Variants in CFAP73 observed in about 807,000 individuals in gnomAD.
CFAP73 encodes the protein cilia and flagella associated protein 73, also known as cilia- and flagella-associated protein 73.
A neutral mutation model predicts 42.9 loss-of-function variants in CFAP73; 33 were observed. The ratio of observed to expected loss-of-function variants is 0.77; its 90% confidence interval spans 0.58 to 1.03. CFAP73 has a LOEUF of 1.03. CFAP73 is among the 50% of genes least tolerant of loss of function. The pLI, the probability that CFAP73 is intolerant of heterozygous loss-of-function variation, is 0.00. For missense variants in CFAP73, 392 were observed against 411.9 expected (o/e 0.95, Z 0.42); for synonymous variants, 162 against 186.8 (o/e 0.87, Z 1.08).
chr12:113,154,623 T>G lies in CFAP73; in HGVS notation c.678T>G (p.Arg226=), dbSNP rs1952099778. 2.1e-6 allele frequency: 3 copies of G among 1,409,862 alleles called. No homozygotes were observed. The highest frequency in any genetic ancestry group is 3.4e-5 in the Admixed American group (1 of 29,180). 87.3% of individuals were successfully genotyped at this position (1,409,862 alleles called of 1,614,324 possible). A position where few individuals can be genotyped will look rare whatever the true frequency, so the allele number is the denominator to read the frequency against. Reference sequence around the variant, plus strand: ...AGCGCCTGGAGGCTGCCAGGGAGCGTACGCTGCAGTGGGTACGACCCGCCC... The same window carrying G: ...AGCGCCTGGAGGCTGCCAGGGAGCGGACGCTGCAGTGGGTACGACCCGCCC... ...LQERLEAARE[R]TLQWESKWIQ... Residue 226 remains arginine, a synonymous_variant, in exon 5 of 8, where the codon CGT becomes CGG. Coordinates refer to ENST00000335621, the MANE Select transcript of CFAP73 (RefSeq NM_001144872.3). This position sits in a 1 kb window ranked among gnomAD's most constrained non-coding sequence, Gnocchi z 4.7.
At position 113,158,807 on chromosome 12, in the gene CFAP73, G is replaced by A; in HGVS notation, c.*118G>A. 1 of 1,476,080 alleles carries A rather than the reference G, an allele frequency of 6.8e-7. No homozygotes were observed. Among genetic ancestry groups the A allele is most frequent in the Non-Finnish European group, 9.1e-7 (1 of 1,093,346 alleles). 91.4% of individuals were successfully genotyped at this position (1,476,080 alleles called of 1,614,324 possible). A position where few individuals can be genotyped will look rare whatever the true frequency, so the allele number is the denominator to read the frequency against. ...CCCAGCACAGGGCCAGGCACACAGT[G>A]GTGCACGGGAACGTCTGCTGATGCC... is the stretch of plus-strand genomic sequence containing the variant. On this transcript the variant is annotated 3_prime_UTR_variant, in exon 8 of 8. Transcript: ENST00000335621. The surrounding 1 kb of genome is among the most constrained non-coding windows in gnomAD (Gnocchi z 4.9).
chr12:113,154,482 C>CA lies in CFAP73; in HGVS notation c.538dup (p.Arg180LysfsTer123). 6.5e-7 allele frequency: 1 copy of CA among 1,541,206 alleles called. No individual in the cohort carries two copies. The highest frequency in any genetic ancestry group is 1.4e-5 in the African/African-American group (1 of 71,700). Reference sequence around the variant, plus strand: ...CCGAGACGCAGGCGGCGCTGAGGCTCAGGGAGCGCGAGCAGCTCGCGGAGC... The same window carrying CA: ...CCGAGACGCAGGCGGCGCTGAGGCTCAAGGGAGCGCGAGCAGCTCGCGGAGC... On this transcript the variant is annotated frameshift_variant, in exon 5 of 8. Coordinates refer to ENST00000335621, the MANE Select transcript of CFAP73 (RefSeq NM_001144872.3). LOFTEE classifies it high-confidence loss of function. The surrounding 1 kb of genome is among the most constrained non-coding windows in gnomAD (Gnocchi z 4.7).
In CFAP73 at chr12:113,159,125, T is replaced by C. The variant is rs781092871; in HGVS notation, c.*436T>C. ...CGGGATGCACCTGCTGGGACAGGGA[T>C]TCAGGGAGCTCAGCTGTTGGGATCA... On this transcript the variant is annotated 3_prime_UTR_variant, in exon 8 of 8. Coordinates refer to ENST00000335621, the MANE Select transcript of CFAP73 (RefSeq NM_001144872.3). 6.3e-7 allele frequency: 1 copy of C among 1,577,444 alleles called. No individual in the cohort carries two copies. Among genetic ancestry groups the C allele is most frequent in the Non-Finnish European group, 8.6e-7 (1 of 1,163,468 alleles).
At position 113,154,655 on chromosome 12, in the gene CFAP73, G is replaced by T; in HGVS notation, c.690+20G>T. ...CAGTGGGTACGACCCGCCCTAGGTG[G>T]GGGGCGCTCCGGACCCCAGGCTTCC... On this transcript the variant is annotated intron_variant, in intron 5 of 7. Coordinates refer to ENST00000335621, the MANE Select transcript of CFAP73 (RefSeq NM_001144872.3). The surrounding 1 kb of genome is among the most constrained non-coding windows in gnomAD (Gnocchi z 4.7). 1.4e-6 allele frequency: 2 copies of T among 1,384,192 alleles called. No individual in the cohort carries two copies. The highest frequency in any genetic ancestry group is 3.0e-5 in the East Asian group (1 of 33,872). 85.7% of individuals were successfully genotyped at this position (1,384,192 alleles called of 1,614,324 possible).
Position 113,158,748 on chromosome 12 carries a change from C to T in CFAP73, c.*59C>T. 9.5e-7 allele frequency: 1 copy of T among 1,057,560 alleles called. No individual in the cohort carries two copies. Among genetic ancestry groups the T allele is most frequent in the Non-Finnish European group, 1.3e-6 (1 of 747,438 alleles). 65.5% of individuals were successfully genotyped at this position (1,057,560 alleles called of 1,614,324 possible). ...TGTGGCCATACAGTGCTCCTTTTCACAGATGATGGCTCCTGCAGGGAGTGC... is the reference window on the plus strand; with the variant it reads ...TGTGGCCATACAGTGCTCCTTTTCATAGATGATGGCTCCTGCAGGGAGTGC... On this transcript the variant is annotated 3_prime_UTR_variant, in exon 8 of 8. Coordinates refer to ENST00000335621, the MANE Select transcript of CFAP73 (RefSeq NM_001144872.3). This position sits in a 1 kb window ranked among gnomAD's most constrained non-coding sequence, Gnocchi z 4.9.
Position 113,152,799 on chromosome 12 carries a change from C to T in CFAP73, c.179C>T (p.Thr60Met). 2 of 1,551,564 alleles carry T rather than the reference C, an allele frequency of 1.3e-6. No homozygotes were observed. The highest frequency in any genetic ancestry group is 1.7e-6 in the Non-Finnish European group (2 of 1,146,900). Residue 60 changes from threonine (T) to methionine (M), a missense_variant, in exon 3 of 8, where the codon ACG becomes ATG. Physicochemically the swap from Thr to Met is moderately conservative, Grantham distance 81. Coordinates refer to ENST00000335621, the MANE Select transcript of CFAP73 (RefSeq NM_001144872.3). Reference sequence around the variant, plus strand: ...CACCCCCAGGTGTTCCGCACCAAGACGGCAGCCCTGAAACAGCGTTGGGAA... The same window carrying T: ...CACCCCCAGGTGTTCCGCACCAAGATGGCAGCCCTGAAACAGCGTTGGGAA... ...QAQKEVFRTK[T>M]AALKQRWEQL...
intron 4 of CFAP73, 30 bp downstream of exon 4, chr12:113,153,438 G>A: frequency 1.4e-6 from 2 of 1,381,788 alleles, no homozygotes; most frequent in Non-Finnish European, 9.3e-7. Flanking sequence ...CTGGGAGCTC[G>A]GCGCCACCGC....
intron 6 of CFAP73, among the ~76,000 whole-genome samples, chr12:113,156,524 T>C (rs1452990405): frequency 1.3e-5 from 2 of 152,018 alleles, no homozygotes; most frequent in African/African-American, 4.8e-5. Flanking sequence ...TGTCTGCGGC[T>C]CGTCCTGCTA....
intron 6 of CFAP73, 42 bp from the exon 7 acceptor site, chr12:113,157,560 G>T: frequency 6.5e-7 from 1 of 1,528,458 alleles, no homozygotes. Context: ...GCTGGACAGT[G>T]ACTCTGGGGC....
intron 6 of CFAP73, among the ~76,000 whole-genome samples, chr12:113,156,139 C>A (rs1420321229): frequency 6.6e-6 from 1 of 151,868 alleles, no homozygotes; most frequent in African/African-American, 2.4e-5. Context: ...AGGCTGGTCT[C>A]GAAATCCCAA....
chr12:113,150,219 C>G (rs1952049944), intron 1 of CFAP73, among the ~76,000 whole-genome samples: 1 of 152,210 alleles, frequency 6.6e-6, no homozygotes, highest in Non-Finnish European at 1.5e-5. Flanking sequence ...ACTGCATTTT[C>G]AGGAGGAACA....
chr12:113,150,957 T>C (rs1414871014), intron 1 of CFAP73, among the ~76,000 whole-genome samples: 1 of 152,184 alleles, frequency 6.6e-6, no homozygotes, highest in Non-Finnish European at 1.5e-5. Context: ...ACCTCCTCTG[T>C]GTTGAAAGAT....
chr12:113,159,161 C>T lies in CFAP73; in HGVS notation c.*472C>T. The T allele has an allele frequency of 6.6e-7, 1 of 1,520,572 alleles. No homozygotes were observed. Among genetic ancestry groups the T allele is most frequent in the South Asian group, 1.2e-5 (1 of 83,308 alleles). 94.2% of individuals were successfully genotyped at this position (1,520,572 alleles called of 1,614,324 possible). On this transcript the variant is annotated 3_prime_UTR_variant, in exon 8 of 8. Coordinates refer to ENST00000335621, the MANE Select transcript of CFAP73 (RefSeq NM_001144872.3). ...CAGCTGTTGGGATCACTCCCAAGAT[C>T]CCCTCCTCCCAGAAGCTTGCAGACT...
chr12:113,153,542 C>A, intron 4 of CFAP73, 134 bp downstream of exon 4: 1 of 722,270 alleles, frequency 1.4e-6, no homozygotes, highest in Non-Finnish European at 2.1e-6. Context: ...AGAACTATCA[C>A]TTATGGAGCG....
intron 2 of CFAP73, among the ~76,000 whole-genome samples, chr12:113,152,366 T>C (rs1253620581): frequency 6.6e-6 from 1 of 151,992 alleles, no homozygotes; most frequent in South Asian, 2.1e-4. Context: ...TACCTCCCCA[T>C]GGGGGTGGTC....
At chr12:113,151,836 G>T in intron 1 of CFAP73, 82 bp from the exon 2 acceptor site, 1 of 890,166 alleles carries the variant, frequency 1.1e-6, no homozygotes, top group Non-Finnish European at 1.7e-6. Flanking sequence ...GGTGGCTAAT[G>T]GGGCACTCCA....
At position 113,154,592 on chromosome 12, in the gene CFAP73, T is replaced by C; in HGVS notation, c.647T>C (p.Leu216Pro). Reference sequence around the variant, plus strand: ...GCACAGGGCCAGCGGCGGGCACAGCTGCAGGAGCGCCTGGAGGCTGCCAGG... The same window carrying C: ...GCACAGGGCCAGCGGCGGGCACAGCCGCAGGAGCGCCTGGAGGCTGCCAGG... ...VLAQGQRRAQ[L>P]QERLEAARER... The change falls in exon 5 of 8, where the codon CTG (leucine) becomes CCG (proline). Residue 216 changes from leucine (L) to proline (P), a missense_variant. Transcript: ENST00000335621. This position sits in a 1 kb window ranked among gnomAD's most constrained non-coding sequence, Gnocchi z 4.7. The C allele has an allele frequency of 7.0e-7, 1 of 1,420,222 alleles. No individual in the cohort carries two copies. The highest frequency in any genetic ancestry group is 9.1e-7 in the Non-Finnish European group (1 of 1,098,794). 88.0% of individuals were successfully genotyped at this position (1,420,222 alleles called of 1,614,324 possible). A position where few individuals can be genotyped will look rare whatever the true frequency, so the allele number is the denominator to read the frequency against.
In CFAP73 at chr12:113,152,806, C is replaced by T; in HGVS notation, c.186C>T (p.Ala62=). 6.4e-7 allele frequency: 1 copy of T among 1,551,598 alleles called. No homozygotes were observed. The part of the protein sequence containing the change: ...QKEVFRTKTA[A]LKQRWEQLEQ... Reference sequence around the variant, plus strand: ...AGGTGTTCCGCACCAAGACGGCAGCCCTGAAACAGCGTTGGGAACAGCTGG... The same window carrying T: ...AGGTGTTCCGCACCAAGACGGCAGCTCTGAAACAGCGTTGGGAACAGCTGG... The change falls in exon 3 of 8, where the codon GCC becomes GCT. Residue 62 remains alanine (A), a synonymous_variant. Transcript: ENST00000335621.
intron 1 of CFAP73, 111 bp from the exon 2 acceptor site, chr12:113,151,807 A>G (rs1472567110): frequency 1.0e-5 from 7 of 688,720 alleles, no homozygotes; most frequent in South Asian, 2.1e-5. Context: ...AAAAAAAAAA[A>G]AAAATTAAAC....
Sources: allele counts gnomAD v4.1 joint callset (sites outside exome capture counted in the v4.1 genomes callset), GRCh38; gene constraint gnomAD v4.1.1; non-coding constraint Gnocchi (gnomAD v3.1); transcripts MANE v1.5; gene names NCBI Gene and HGNC (gene_info 2026-07-23, HGNC 2026-07-21).